EIF4EBP1: variants seen among roughly 807,000 people sequenced by gnomAD.
EIF4EBP1 encodes eukaryotic translation initiation factor 4E binding protein 1.
A neutral mutation model predicts 9.2 loss-of-function variants in EIF4EBP1; 5 were observed. The ratio of observed to expected loss-of-function variants is 0.54; its 90% CI spans 0.28 to 1.14. EIF4EBP1 has a LOEUF of 1.14. Ranked by LOEUF, EIF4EBP1 falls within the 50% of genes most tolerant of loss-of-function variation. EIF4EBP1 has a pLI of 0.09. For synonymous variants in EIF4EBP1, 62 were observed against 67.0 expected (o/e 0.93, Z 0.36); for missense variants, 139 against 169.6 (o/e 0.82, Z 1.00).
At chr8:38,059,355 G>A (rs920070041) in intron 2 of EIF4EBP1, among the ~76,000 whole-genome samples, 3 of 152,092 alleles carry the variant, frequency 2.0e-5, no homozygotes, top group Non-Finnish European at 2.9e-5. Flanking sequence ...GCCTGCTCCC[G>A]CTTTGCTTTC....
intron 2 of EIF4EBP1, among the ~76,000 whole-genome samples, chr8:38,058,436 C>T (rs567572432): frequency 1.6e-4 from 24 of 152,288 alleles, no homozygotes; most frequent in Non-Finnish European, 3.4e-4. Context: ...TGGGCTAATC[C>T]ATTCATGAGG....
At chr8:38,039,167 C>T (rs950858310) in intron 1 of EIF4EBP1, among the ~76,000 whole-genome samples, 3 of 152,060 alleles carry the variant, frequency 2.0e-5, no homozygotes, top group Admixed American at 2.0e-4. Flanking sequence ...GTTGGGATTA[C>T]AGGCGTGAGC....
intron 1 of EIF4EBP1, among the ~76,000 whole-genome samples, chr8:38,031,867 C>G (rs992841211): frequency 6.6e-6 from 1 of 152,186 alleles, no homozygotes; most frequent in Non-Finnish European, 1.5e-5. Flanking sequence ...ATTGTCACAC[C>G]GTTTTCCCAG....
intron 2 of EIF4EBP1, among the ~76,000 whole-genome samples, chr8:38,057,567 A>G (rs376166886): frequency 6.6e-6 from 1 of 152,218 alleles, no homozygotes; most frequent in Admixed American, 6.5e-5. Flanking sequence ...TTTCGTAAGC[A>G]TGTGCCTCTG....
chr8:38,031,832 G>A (rs1809226882), intron 1 of EIF4EBP1, among the ~76,000 whole-genome samples: 1 of 152,234 alleles, frequency 6.6e-6, no homozygotes, highest in Non-Finnish European at 1.5e-5. Flanking sequence ...TGAGGCCCCA[G>A]AGCTTGAACA....
intron 1 of EIF4EBP1, among the ~76,000 whole-genome samples, chr8:38,044,114 G>A (rs371284296): frequency 1.0e-4 from 14 of 137,898 alleles, no homozygotes; most frequent in African/African-American, 2.9e-4. Flanking sequence ...CCCCCACCCC[G>A]GCCCTGTTGT....
At chr8:38,030,976 G>GCCTCCAGGA in intron 1 of EIF4EBP1, among the ~76,000 whole-genome samples, 1 of 152,238 alleles carries the variant, frequency 6.6e-6, no homozygotes, top group Middle Eastern at 3.4e-3. Context: ...TAACAAACAC[G>GCCTCCAGGA]CACGCCTCCA....
chr8:38,049,473 C>T (rs556975489), intron 1 of EIF4EBP1, among the ~76,000 whole-genome samples: 14 of 150,898 alleles, frequency 9.3e-5, no homozygotes, highest in South Asian at 4.2e-4. Flanking sequence ...GGAAAATTTC[C>T]GTCTTCTTTT....
chr8:38,043,042 G>A (rs538150500), intron 1 of EIF4EBP1, among the ~76,000 whole-genome samples: 1 of 152,310 alleles, frequency 6.6e-6, no homozygotes, highest in South Asian at 2.1e-4. Context: ...ACTCTAGTCT[G>A]GGTGACAGAG....
intron 1 of EIF4EBP1, among the ~76,000 whole-genome samples, chr8:38,037,197 G>A (rs1809315556): frequency 6.6e-6 from 1 of 152,188 alleles, no homozygotes; most frequent in South Asian, 2.1e-4. Context: ...TTTCTGAGCA[G>A]TCTTACTCAT....
At chr8:38,037,576 A>G (rs143823449) in intron 1 of EIF4EBP1, among the ~76,000 whole-genome samples, 2,702 of 152,074 alleles carry the variant, frequency 0.018, 75 homozygotes, top group African/African-American at 0.061. Flanking sequence ...ACCTCCCAAA[A>G]TGCTGGGATT....
At chr8:38,039,163 A>G (rs1027798549) in intron 1 of EIF4EBP1, among the ~76,000 whole-genome samples, 6 of 152,050 alleles carry the variant, frequency 3.9e-5, no homozygotes, top group Non-Finnish European at 8.8e-5. Flanking sequence ...AAGTGTTGGG[A>G]TTACAGGCGT....
At chr8:38,036,069 C>T (rs1375450506) in intron 1 of EIF4EBP1, among the ~76,000 whole-genome samples, 1 of 150,842 alleles carries the variant, frequency 6.6e-6, no homozygotes, top group African/African-American at 2.4e-5. Context: ...GCAGTGGCAC[C>T]GTCTCAGCTC....
intron 1 of EIF4EBP1, among the ~76,000 whole-genome samples, chr8:38,032,362 A>G (rs1809237137): frequency 6.6e-6 from 1 of 152,146 alleles, no homozygotes. Flanking sequence ...AGAAACAAAC[A>G]AAACAACAAC....
intron 1 of EIF4EBP1, among the ~76,000 whole-genome samples, chr8:38,039,041 C>T (rs548852408): frequency 6.5e-4 from 98 of 151,098 alleles, no homozygotes; most frequent in African/African-American, 2.1e-3. Flanking sequence ...TACAGGCACG[C>T]GCAACCACAC....
chr8:38,049,085 A>G (rs1322865613), intron 1 of EIF4EBP1, among the ~76,000 whole-genome samples: 2 of 151,122 alleles, frequency 1.3e-5, no homozygotes, highest in East Asian at 1.9e-4. Flanking sequence ...AGATTGCGCC[A>G]TTGCACTCCA....
intron 1 of EIF4EBP1, among the ~76,000 whole-genome samples, chr8:38,032,157 C>A (rs1453959305): frequency 6.6e-6 from 1 of 152,016 alleles, no homozygotes; most frequent in Non-Finnish European, 1.5e-5. Flanking sequence ...GCGCAGGTAG[C>A]CCTTTTTTGC....
rs1585532538 is a variant in EIF4EBP1 at position 38,057,164 on chromosome 8, A to G, written c.229A>G (p.Thr77Ala). The G allele has an allele frequency of 1.2e-6, 2 of 1,614,242 alleles. No homozygotes were observed. Among genetic ancestry groups the G allele is most frequent in the Non-Finnish European group, 1.7e-6 (2 of 1,180,038 alleles). ...VTKTPPRDLPTIPGVTSPSSD... is the reference protein window; with the variant it reads ...VTKTPPRDLPAIPGVTSPSSD... Reference sequence around the variant, plus strand: ...CAAAACACCCCCAAGGGATCTGCCCACCATTCCGGGGGTCACCAGCCCTTC... The same window carrying G: ...CAAAACACCCCCAAGGGATCTGCCCGCCATTCCGGGGGTCACCAGCCCTTC... Residue 77 changes from threonine to alanine, a missense_variant, in exon 2 of 3, where the codon ACC (threonine) becomes GCC (alanine). Coordinates refer to ENST00000338825, the MANE Select transcript of EIF4EBP1 (RefSeq NM_004095.4).
chr8:38,039,155 G>T (rs1809342815), intron 1 of EIF4EBP1, among the ~76,000 whole-genome samples: 3 of 151,936 alleles, frequency 2.0e-5, no homozygotes. Flanking sequence ...TCCTCCCAAA[G>T]TGTTGGGATT....
Sources: allele counts gnomAD v4.1 joint callset (sites outside exome capture counted in the v4.1 genomes callset), GRCh38; gene constraint gnomAD v4.1.1; transcripts MANE v1.5; gene names NCBI Gene and HGNC (gene_info 2026-07-23, HGNC 2026-07-21).